AATK: variants seen among roughly 807,000 people sequenced by gnomAD.
AATK encodes lemur tail kinase 1.
AATK carries 91 observed loss-of-function variants against 114.3 expected under a neutral mutation model. The observed-to-expected ratio is 0.80, with a 90% confidence interval of 0.67 to 0.95. AATK has a LOEUF of 0.95. Among genes scored for constraint, AATK ranks in the 40% least tolerant of loss-of-function variants. The pLI, the probability that AATK is intolerant of heterozygous loss-of-function variation, is 0.00. For missense variants in AATK, 2,176 were observed against 1,965.2 expected, an observed-to-expected ratio of 1.11 and a Z score of -2.03; for synonymous variants, 1,075 against 916.5, an observed-to-expected ratio of 1.17 and a Z score of -3.12.
intron 1 of AATK, among the ~76,000 whole-genome samples, chr17:81,151,011 G>T (rs375594986): frequency 1.2e-4 from 19 of 152,186 alleles, no homozygotes; most frequent in East Asian, 7.7e-4. Context: ...CCTCTCAGTT[G>T]CAGGCTGAAG....
At chr17:81,142,564 C>T (rs1011379668) in intron 1 of AATK, among the ~76,000 whole-genome samples, 3 of 152,206 alleles carry the variant, frequency 2.0e-5, no homozygotes, top group African/African-American at 4.8e-5. Context: ...GGCCATTGTC[C>T]AGCTCTGGAG....
chr17:81,139,573 C>T lies in AATK; in HGVS notation c.56-5072G>A, dbSNP rs9915996. Among the ~76,000 whole-genome samples, 738 of 151,062 alleles carry T rather than the reference C, an allele frequency of 4.9e-3. 6 individuals carry two copies. The highest frequency in any genetic ancestry group is 0.017 in the African/African-American group (693 of 41,204). On this transcript the variant is annotated intron_variant, in intron 1 of 13. Transcript: ENST00000326724. ...CGGCCCTCTGCTGCCACACATGCTG[C>T]GCGGCCCCCAGGCTCTTCCAAGCCT... is the stretch of plus-strand genomic sequence containing the variant.
At position 81,127,611 on chromosome 17, in the gene AATK, T is replaced by C; in HGVS notation, c.593A>G (p.Tyr198Cys). 6.2e-7 allele frequency: 1 copy of C among 1,602,334 alleles called. No individual in the cohort carries two copies. Among genetic ancestry groups the C allele is most frequent in the Non-Finnish European group, 8.5e-7 (1 of 1,175,096 alleles). Residue 198 changes from tyrosine (Y) to cysteine (C), a missense_variant, in exon 6 of 14, where the codon TAC becomes TGC. Transcript: ENST00000326724. Reference protein sequence around the residue: ...CLAQCAEVTPYLLVMEFCPLG... With the variant: ...CLAQCAEVTPCLLVMEFCPLG... ...TGGGCAGAACTCCATCACCAGCAGG[T>C]AGGGCGTCACCTCGGCGCACTGGGC... is the stretch of plus-strand genomic sequence containing the variant.
chr17:81,129,824 G>A (rs1304858495), intron 3 of AATK, among the ~76,000 whole-genome samples: 3 of 152,194 alleles, frequency 2.0e-5, no homozygotes, highest in African/African-American at 4.8e-5. Flanking sequence ...GGGAAGGTCC[G>A]AGGGCCTCAC....
At chr17:81,119,289 G>A (rs933373157) in intron 13 of AATK, 91 bp downstream of exon 13, 44 of 1,345,666 alleles carry the variant, frequency 3.3e-5, no homozygotes, top group Non-Finnish European at 3.6e-5. Flanking sequence ...GGGCTGGCCC[G>A]GCCCAGGACC....
At position 81,155,025 on chromosome 17, in the gene AATK, T is replaced by C. The variant is rs899571951; in HGVS notation, c.55+10913A>G. Among the ~76,000 whole-genome samples the C allele has an allele frequency of 2.0e-5, 3 of 152,232 alleles. No individual in the cohort carries two copies. In the East Asian group the frequency reaches 5.8e-4, roughly 29 times the overall value. ...CATTTCCAGTGCTGGAGGTGTGAAC[T>C]GCGTGGAGACCTTTGGAGGGTTCTC... On this transcript the variant is annotated intron_variant, in intron 1 of 13. Coordinates refer to ENST00000326724, the MANE Select transcript of AATK (RefSeq NM_001080395.3).
chr17:81,138,938 A>G (rs1192296108), intron 1 of AATK, among the ~76,000 whole-genome samples: 2 of 149,078 alleles, frequency 1.3e-5, no homozygotes, highest in Admixed American at 6.6e-5. Flanking sequence ...GTGTAGGCAC[A>G]CACACATGCA....
intron 1 of AATK, among the ~76,000 whole-genome samples, chr17:81,157,801 C>G (rs1358051562): frequency 2.0e-5 from 3 of 152,220 alleles, no homozygotes; most frequent in Non-Finnish European, 4.4e-5. Flanking sequence ...AAGGGGCAGG[C>G]AGCTCCAGCT....
Position 81,118,152 on chromosome 17 carries a change from CGCCCCCAGGG to C in AATK, c.*240_*249del, listed in dbSNP as rs2060591220. ...TACAGACACCCACTGTGGCTCCAGG[CGCCCCCAGGG>C]GCTAGCAGCAAGCCTAAAAGCCCAG... On this transcript the variant is annotated 3_prime_UTR_variant, in exon 14 of 14. Transcript: ENST00000326724. 1.9e-6 allele frequency: 1 copy of C among 539,800 alleles called. No homozygotes were observed. The allele number at this position is 539,800 out of a possible 1,614,324, so 33.4% of individuals were successfully genotyped here. A position where few individuals can be genotyped will look rare whatever the true frequency, so the allele number is the denominator to read the frequency against.
chr17:81,118,041 C>T lies in AATK; in HGVS notation c.*361G>A, dbSNP rs950797650. 6 of 233,272 alleles carry T rather than the reference C, an allele frequency of 2.6e-5. No homozygotes were observed. The highest frequency in any genetic ancestry group is 9.0e-5 in the African/African-American group (4 of 44,210). The allele number at this position is 233,272 out of a possible 1,614,324, so 14.5% of individuals were successfully genotyped here. A position where few individuals can be genotyped will look rare whatever the true frequency, so the allele number is the denominator to read the frequency against. Reference sequence around the variant, plus strand: ...CGGAGGAGCTGCCGGATGGGGCATGCGGGTCCTCCGAGGCCAGGCAGGCAG... The same window carrying T: ...CGGAGGAGCTGCCGGATGGGGCATGTGGGTCCTCCGAGGCCAGGCAGGCAG... On this transcript the variant is annotated 3_prime_UTR_variant, in exon 14 of 14. Coordinates refer to ENST00000326724, the MANE Select transcript of AATK (RefSeq NM_001080395.3).
intron 1 of AATK, among the ~76,000 whole-genome samples, chr17:81,164,478 C>A (rs904292674): frequency 4.4e-4 from 67 of 152,370 alleles, no homozygotes; most frequent in African/African-American, 1.6e-3. Flanking sequence ...CCAACAACTT[C>A]TTTTCCTCTA....
At position 81,126,879 on chromosome 17, in the gene AATK, G is replaced by A. The variant is rs1180815853; in HGVS notation, c.622-319C>T. Reference sequence around the variant, plus strand: ...CTGCTTGATGGAGTCTGGGGCTGGTGGTCGAGGGTTGGCCGGCAGCCCCTG... The same window carrying A: ...CTGCTTGATGGAGTCTGGGGCTGGTAGTCGAGGGTTGGCCGGCAGCCCCTG... On this transcript the variant is annotated intron_variant, in intron 6 of 13. Coordinates refer to ENST00000326724, the MANE Select transcript of AATK (RefSeq NM_001080395.3). The surrounding 1 kb of genome is among the most constrained non-coding windows in gnomAD (Gnocchi z 5.1). 1 of 1,164,598 alleles carries A rather than the reference G, an allele frequency of 8.6e-7. No homozygotes were observed. Among genetic ancestry groups the A allele is most frequent in the Non-Finnish European group, 1.1e-6 (1 of 940,282 alleles). 72.1% of individuals were successfully genotyped at this position (1,164,598 alleles called of 1,614,324 possible). A position where few individuals can be genotyped will look rare whatever the true frequency, so the allele number is the denominator to read the frequency against.
At chr17:81,149,263 C>T (rs895498399) in intron 1 of AATK, among the ~76,000 whole-genome samples, 1 of 152,308 alleles carries the variant, frequency 6.6e-6, no homozygotes. Context: ...CCACCACAGC[C>T]TCCAGCCCCG....
chr17:81,122,172 C>G lies in AATK; in HGVS notation c.1764G>C (p.Trp588Cys). 6.6e-7 allele frequency: 1 copy of G among 1,513,362 alleles called. No homozygotes were observed. The highest frequency in any genetic ancestry group is 8.8e-7 in the Non-Finnish European group (1 of 1,131,888). 93.7% of individuals were successfully genotyped at this position (1,513,362 alleles called of 1,614,324 possible). Residue 588 changes from tryptophan (W) to cysteine (C), a missense_variant, in exon 11 of 14, where the codon TGG becomes TGC. Around this residue, in one of 4 missense-constraint regions of AATK, gnomAD observed 1,701 missense variants for 1,394.7 expected, o/e 1.22. Coordinates refer to ENST00000326724, the MANE Select transcript of AATK (RefSeq NM_001080395.3). ...LGHGPPVDVP[W>C]GRGDHYPRRS... ...TGCGAGGGTAGTGGTCGCCGCGGCC[C>G]CAGGGGACGTCGACGGGTGGCCCGT...
intron 1 of AATK, 84 bp from the exon 2 acceptor site, chr17:81,134,585 C>T (rs913203687): frequency 3.3e-6 from 5 of 1,506,710 alleles, no homozygotes; most frequent in Non-Finnish European, 4.5e-6. Flanking sequence ...ACAGCCCCAC[C>T]TGGACTTGCT....
rs905941355 is a variant in AATK, at chr17:81,121,589, C to T, written c.2347G>A (p.Ala783Thr). ...CCGGTAGTGCCCTCAGCCTCCGTGG[C>T]AAGCTTGGGCTCTGCCTGCGGGTGG... ...GDHPQAEPKLATEAEGTTGPR... is the reference protein window; with the variant it reads ...GDHPQAEPKLTTEAEGTTGPR... The change falls in exon 11 of 14, where the codon GCC becomes ACC. Residue 783 changes from alanine (A) to threonine (T), a missense_variant. Around this residue, in one of 4 missense-constraint regions of AATK, gnomAD observed 1,701 missense variants for 1,394.7 expected, o/e 1.22. Transcript: ENST00000326724. The T allele has an allele frequency of 6.6e-7, 1 of 1,504,768 alleles. No homozygotes were observed. The highest frequency in any genetic ancestry group is 8.9e-7 in the Non-Finnish European group (1 of 1,127,482). 93.2% of individuals were successfully genotyped at this position (1,504,768 alleles called of 1,614,324 possible).
intron 1 of AATK, chr17:81,165,606 C>G (rs1035312894): frequency 5.0e-6 from 7 of 1,406,170 alleles, no homozygotes; most frequent in South Asian, 1.2e-5. Flanking sequence ...ACCCCCCACA[C>G]CCCCAAGGGC....
At chr17:81,139,122 T>C (rs7216694) in intron 1 of AATK, among the ~76,000 whole-genome samples, 117,090 of 152,242 alleles carry the variant, frequency 0.77, 45,342 homozygotes, top group East Asian at 0.98. Flanking sequence ...TCCCCACTAC[T>C]GGCCTGCTCA....
Position 81,119,524 on chromosome 17 carries a change from C to T in AATK, c.3940G>A (p.Ala1314Thr), listed in dbSNP as rs183141669. ...FPLMTAKAAF[A>T]MALDPAAPAP... ...GGTGCGGCCGGGTCTAGGGCCATGG[C>T]GAAGGCTGCCTTGGCCGTCATCAGC... is the stretch of plus-strand genomic sequence containing the variant. The change falls in exon 13 of 14, where the codon GCC becomes ACC. Residue 1314 changes from alanine to threonine, a missense_variant. Ala to Thr is a moderately conservative substitution (Grantham distance 58). Coordinates refer to ENST00000326724, the MANE Select transcript of AATK (RefSeq NM_001080395.3). 3.4e-3 allele frequency: 5,289 copies of T among 1,570,948 alleles called. 314 individuals are homozygous for T. In the Admixed American group the frequency reaches 0.089, roughly 26 times the overall value.
Sources: gnomAD v4.1 joint callset for allele counts (sites outside exome capture counted in the v4.1 genomes callset) on GRCh38, gnomAD v4.1.1 for gene constraint, gnomAD v4.1.1 regional missense constraint, Gnocchi (gnomAD v3.1) non-coding constraint, MANE v1.5 for transcripts, NCBI Gene and HGNC (gene_info 2026-07-23, HGNC 2026-07-21) for gene names.